CNTN6: variants seen among roughly 807,000 people sequenced by gnomAD.
The protein encoded by CNTN6 is contactin-6.
CNTN6 carries 137 observed loss-of-function variants against 122.8 expected under a neutral mutation model. The observed-to-expected ratio is 1.12, with a 90% CI of 0.97 to 1.29. The LOEUF is 1.29. Among genes scored for constraint, CNTN6 ranks in the 50% most tolerant of loss-of-function variants. The pLI, the probability that CNTN6 is intolerant of heterozygous loss-of-function variation, is 0.00. For missense variants in CNTN6, 1,634 were observed against 1,223.4 expected, an observed-to-expected ratio of 1.34 and a Z score of -5.01; for synonymous variants, 570 against 426.0, an observed-to-expected ratio of 1.34 and a Z score of -4.16.
intron 4 of CNTN6, among the ~76,000 whole-genome samples, chr3:1,237,086 GA>G (rs1291833598): frequency 2.1e-5 from 3 of 140,618 alleles, no homozygotes; most frequent in African/African-American, 2.6e-5. Context: ...GTTTCAAAAA[GA>G]AAAAAAAAGA....
chr3:1,383,529 A>G (rs889678806), intron 19 of CNTN6, 121 bp downstream of exon 19: 6 of 735,342 alleles, frequency 8.2e-6, no homozygotes, highest in Middle Eastern at 2.8e-4. Context: ...GTCTAAAGCT[A>G]AAGCAGAGAA....
intron 12 of CNTN6, among the ~76,000 whole-genome samples, chr3:1,362,032 T>C (rs370054618): frequency 1.3e-5 from 2 of 152,252 alleles, no homozygotes; most frequent in East Asian, 3.9e-4. Flanking sequence ...GAATGAAGTC[T>C]GCTAAGCAGC....
At chr3:1,326,493 C>G (rs895920256) in intron 9 of CNTN6, among the ~76,000 whole-genome samples, 1 of 151,746 alleles carries the variant, frequency 6.6e-6, no homozygotes, top group Non-Finnish European at 1.5e-5. Flanking sequence ...TTAGTCACTA[C>G]CCAGTATTTT....
chr3:1,130,199 C>T (rs561217014), intron 1 of CNTN6, among the ~76,000 whole-genome samples: 1 of 151,976 alleles, frequency 6.6e-6, no homozygotes, highest in South Asian at 2.1e-4. Flanking sequence ...ATTTCAAGGC[C>T]AATTTCTAAC....
At chr3:1,323,530 G>T (rs1311110369) in intron 8 of CNTN6, among the ~76,000 whole-genome samples, 1 of 151,712 alleles carries the variant, frequency 6.6e-6, no homozygotes. Flanking sequence ...TACTGACTCA[G>T]TTACCTCAGA....
chr3:1,382,784 T>C lies in CNTN6; in HGVS notation c.2167-158T>C, dbSNP rs541165236. The stretch of plus-strand genomic sequence containing the variant: ...TCTTTAACTGGGATCATTTTTCTAA[T>C]TGGCATTCCAAATAAAAGTGTTTTT... On this transcript the variant is annotated intron_variant, in intron 17 of 22. Coordinates refer to ENST00000446702, the MANE Select transcript of CNTN6 (RefSeq NM_001289080.2). 5.9e-5 allele frequency among the ~76,000 whole-genome samples: 9 copies of C among 152,354 alleles called. No individual in the cohort carries two copies. The East Asian group carries it at 1.2e-3, about 20-fold the overall frequency.
rs557634869 is a variant in CNTN6 at position 1,259,640 on chromosome 3, A to T, written c.359-18773A>T. 3.3e-4 allele frequency among the ~76,000 whole-genome samples: 50 copies of T among 152,220 alleles called. 1 individual carries two copies. In the South Asian group the frequency reaches 7.3e-3, roughly 22 times the overall value. On this transcript the variant is annotated intron_variant, in intron 4 of 22. Transcript: ENST00000446702. ...ACAGACAGGGATGTGAACTTACATG[A>T]GTTGAGTCTTTAAATTCTGGCTCTG...
chr3:1,379,146 C>G (rs1367830575), intron 17 of CNTN6, among the ~76,000 whole-genome samples: 1 of 151,998 alleles, frequency 6.6e-6, no homozygotes, highest in Non-Finnish European at 1.5e-5. Flanking sequence ...GGCCCAAATG[C>G]TATGCATTCA....
chr3:1,179,311 T>C (rs1260864035), intron 2 of CNTN6, among the ~76,000 whole-genome samples: 1 of 152,134 alleles, frequency 6.6e-6, no homozygotes, highest in African/African-American at 2.4e-5. Context: ...GATTTGGAGA[T>C]GACAAAACAT....
At chr3:1,174,704 C>T (rs1017256820) in intron 2 of CNTN6, among the ~76,000 whole-genome samples, 2 of 152,184 alleles carry the variant, frequency 1.3e-5, no homozygotes, top group African/African-American at 4.8e-5. Flanking sequence ...CACCCACATG[C>T]TCACTTCTGT....
Position 1,205,367 on chromosome 3 carries a change from A to G in CNTN6, c.56-15320A>G, listed in dbSNP as rs2125448065. On this transcript the variant is annotated intron_variant, in intron 2 of 22. Transcript: ENST00000446702. ...GTTACGGCAACAATAGAAAAATAGT[A>G]CAATGGTGTTCTGGCAAAATAGTCT... Among the ~76,000 whole-genome samples, 2 of 152,320 alleles carry G rather than the reference A, an allele frequency of 1.3e-5. 1 individual carries two copies. Among genetic ancestry groups the G allele is most frequent in the South Asian group, 4.1e-4 (2 of 4,832 alleles).
chr3:1,332,471 A>G (rs1038754503), intron 11 of CNTN6, among the ~76,000 whole-genome samples: 7 of 145,396 alleles, frequency 4.8e-5, no homozygotes, highest in Non-Finnish European at 9.1e-5. Context: ...TAGTGATAAG[A>G]AAGAGAGAAA....
At chr3:1,201,650 G>A (rs2093874306) in intron 2 of CNTN6, among the ~76,000 whole-genome samples, 1 of 152,118 alleles carries the variant, frequency 6.6e-6, no homozygotes, top group South Asian at 2.1e-4. Context: ...TGCTAAGAAA[G>A]TAATTCTAAA....
rs547529455 is a variant in CNTN6 at position 1,302,982 on chromosome 3, A to G, written c.761+4991A>G. On this transcript the variant is annotated intron_variant, in intron 7 of 22. Coordinates refer to ENST00000446702, the MANE Select transcript of CNTN6 (RefSeq NM_001289080.2). ...TTTGCATCTCAGTTTGGGAGGTTCT[A>G]TTGATACTGCTTGTCATTCATTTAC... Among the ~76,000 whole-genome samples, 8 of 152,026 alleles carry G rather than the reference A, an allele frequency of 5.3e-5. No homozygotes were observed. In the East Asian group the frequency reaches 1.5e-3, roughly 29 times the overall value.
intron 1 of CNTN6, among the ~76,000 whole-genome samples, chr3:1,103,091 G>C (rs974846336): frequency 9.2e-5 from 14 of 152,206 alleles, no homozygotes; most frequent in Non-Finnish European, 1.2e-4. Flanking sequence ...GGGCGACAGA[G>C]CCAGACTCCG....
chr3:1,311,285 A>G (rs563751481), intron 7 of CNTN6, among the ~76,000 whole-genome samples: 68 of 145,746 alleles, frequency 4.7e-4, no homozygotes, highest in Non-Finnish European at 8.3e-4. Context: ...ATACATATTT[A>G]TATATACATA....
intron 1 of CNTN6, among the ~76,000 whole-genome samples, chr3:1,122,834 G>A (rs2092013230): frequency 6.6e-6 from 1 of 151,718 alleles, no homozygotes; most frequent in Non-Finnish European, 1.5e-5. Flanking sequence ...ATCACAATTT[G>A]TTTGTTAGTT....
rs199682581 is a variant in CNTN6 at position 1,385,596 on chromosome 3, G to T, written c.2518-15G>T. On this transcript the variant is annotated splice_polypyrimidine_tract_variant and intron_variant, in intron 19 of 22. Coordinates refer to ENST00000446702, the MANE Select transcript of CNTN6 (RefSeq NM_001289080.2). ...GGGGAACAATAAATTGCTTGTTTTG[G>T]TTTTTAATTATCAGGTCTTATACTG... 1.9e-6 allele frequency: 3 copies of T among 1,574,214 alleles called. No individual in the cohort carries two copies. Among genetic ancestry groups the T allele is most frequent in the Non-Finnish European group, 2.6e-6 (3 of 1,163,170 alleles).
intron 20 of CNTN6, among the ~76,000 whole-genome samples, chr3:1,397,351 T>C (rs1695113577): frequency 6.6e-6 from 1 of 152,062 alleles, no homozygotes; most frequent in Admixed American, 6.6e-5. Context: ...AAATTAAAGA[T>C]AAAGAGGAGT....
Sources: allele counts gnomAD v4.1 joint callset (sites outside exome capture counted in the v4.1 genomes callset), GRCh38; gene constraint gnomAD v4.1.1; transcripts MANE v1.5; gene names NCBI Gene and HGNC (gene_info 2026-07-23, HGNC 2026-07-21).